SIPA1L2: variants seen among roughly 807,000 people sequenced by gnomAD.
SIPA1L2 encodes signal induced proliferation associated 1 like 2.
A neutral mutation model predicts 163.9 loss-of-function variants in SIPA1L2; 56 were observed. The observed-to-expected ratio is 0.34, with a 90% confidence interval of 0.28 to 0.43. The LOEUF is 0.43. Among genes scored for constraint, SIPA1L2 ranks in the 20% least tolerant of loss-of-function variants. The probability of loss-of-function intolerance (pLI) is 1.00; values close to 1 mark genes in which losing one functional copy is unlikely to be tolerated. For missense variants in SIPA1L2, 1,974 were observed against 2,193.5 expected, an observed-to-expected ratio of 0.90 and a Z score of 2.00; for synonymous variants, 877 against 865.7, an observed-to-expected ratio of 1.01 and a Z score of -0.23.
chr1:232,469,548 T>C (rs936479642), intron 8 of SIPA1L2, among the ~76,000 whole-genome samples: 5 of 152,192 alleles, frequency 3.3e-5, no homozygotes, highest in African/African-American at 1.2e-4. Flanking sequence ...ACGAAGCTGA[T>C]GAGGCACTTC....
chr1:232,539,689 C>A (rs932070782), intron 2 of SIPA1L2, among the ~76,000 whole-genome samples: 7 of 152,132 alleles, frequency 4.6e-5, no homozygotes, highest in Admixed American at 1.3e-4. Context: ...TCTCCCCATT[C>A]CCCCAGGCCC....
Position 232,514,397 on chromosome 1 carries a change from G to A in SIPA1L2, c.943C>T (p.Arg315Ter). 1 of 1,613,990 alleles carries A rather than the reference G, an allele frequency of 6.2e-7. No individual in the cohort carries two copies. Among genetic ancestry groups the A allele is most frequent in the Non-Finnish European group, 8.5e-7 (1 of 1,180,032 alleles). ...FKFTSELEES[R>*]LERGIRPWNC... ...CAAGGGCGAATGCCCCTCTCCAGTC[G>A]GCTCTCCTCCAGCTCAGACGTGAAC... The change falls in exon 3 of 23, where the codon CGA (arginine) becomes TGA (stop). Residue 315 changes from arginine (R) to a stop codon, truncating the protein, a stop_gained. Transcript: ENST00000674635. LOFTEE classifies it high-confidence loss of function.
chr1:232,520,932 T>C (rs551057628), intron 2 of SIPA1L2, among the ~76,000 whole-genome samples: 1 of 152,340 alleles, frequency 6.6e-6, no homozygotes, highest in East Asian at 1.9e-4. Context: ...TTAACTCACA[T>C]TCCTATTACA....
At chr1:232,559,689 C>A (rs1262159283) in intron 2 of SIPA1L2, among the ~76,000 whole-genome samples, 1 of 152,030 alleles carries the variant, frequency 6.6e-6, no homozygotes, top group Non-Finnish European at 1.5e-5. Flanking sequence ...TGGGTGTTGA[C>A]AATTGAGGAG....
intron 2 of SIPA1L2, among the ~76,000 whole-genome samples, chr1:232,547,246 C>G (rs909963524): frequency 2.0e-5 from 3 of 152,096 alleles, no homozygotes; most frequent in Admixed American, 1.3e-4. Flanking sequence ...CAAAACAAAT[C>G]CAGCATTTTT....
At chr1:232,431,990 G>T (rs531799801) in intron 16 of SIPA1L2, among the ~76,000 whole-genome samples, 2 of 152,214 alleles carry the variant, frequency 1.3e-5, no homozygotes, top group Non-Finnish European at 2.9e-5. Flanking sequence ...TCAGCAGCAT[G>T]TTACCATGAC....
chr1:232,436,901 A>C (rs1662598433), intron 15 of SIPA1L2, among the ~76,000 whole-genome samples: 1 of 152,230 alleles, frequency 6.6e-6, no homozygotes, highest in South Asian at 2.1e-4. Context: ...GCCACCATCA[A>C]CGAAGAATTA....
chr1:232,574,384 T>G (rs1019757443), intron 1 of SIPA1L2, among the ~76,000 whole-genome samples, 162 bp from the exon 2 acceptor site: 1 of 152,198 alleles, frequency 6.6e-6, no homozygotes, highest in Non-Finnish European at 1.5e-5. Context: ...CTCTCCCCAG[T>G]GTTCGATGGA....
intron 10 of SIPA1L2, among the ~76,000 whole-genome samples, chr1:232,459,052 A>C (rs1271644437): frequency 6.6e-6 from 1 of 152,246 alleles, no homozygotes; most frequent in Non-Finnish European, 1.5e-5. Context: ...AAGGCCACAG[A>C]AAGTGAGGCT....
At chr1:232,412,941 C>T (rs1661044368) in intron 19 of SIPA1L2, among the ~76,000 whole-genome samples, 1 of 152,154 alleles carries the variant, frequency 6.6e-6, no homozygotes, top group Non-Finnish European at 1.5e-5. Context: ...AAAGTCTTCT[C>T]CTTTGGCAAA....
At chr1:232,593,190 T>G (rs1661054610) in intron 1 of SIPA1L2, among the ~76,000 whole-genome samples, 2 of 152,154 alleles carry the variant, frequency 1.3e-5, no homozygotes, top group Non-Finnish European at 2.9e-5. Flanking sequence ...TAATATATAT[T>G]TTTCTAAAAG....
At chr1:232,493,718 T>C (rs1666043281) in intron 3 of SIPA1L2, 58 bp from the exon 4 acceptor site, 1 of 1,597,242 alleles carries the variant, frequency 6.3e-7, no homozygotes, top group Non-Finnish European at 8.6e-7. Flanking sequence ...AAGAGCAGGA[T>C]GGATATCTCT....
At chr1:232,553,735 C>A (rs924205962) in intron 2 of SIPA1L2, among the ~76,000 whole-genome samples, 1 of 152,138 alleles carries the variant, frequency 6.6e-6, no homozygotes, top group South Asian at 2.1e-4. Context: ...CCTCTTCTAC[C>A]ATAAAACTCA....
intron 2 of SIPA1L2, among the ~76,000 whole-genome samples, chr1:232,568,931 A>AT (rs1659563455): frequency 6.6e-6 from 1 of 152,146 alleles, no homozygotes; most frequent in African/African-American, 2.4e-5. Context: ...TATCGGAGCT[A>AT]TTTACGTATA....
At chr1:232,538,928 T>C (rs1657475867) in intron 2 of SIPA1L2, among the ~76,000 whole-genome samples, 1 of 152,232 alleles carries the variant, frequency 6.6e-6, no homozygotes, top group Admixed American at 6.5e-5. Context: ...CTATTTTTGT[T>C]ACCTATTCAG....
At chr1:232,571,560 CAT>C (rs1428521859) in intron 2 of SIPA1L2, among the ~76,000 whole-genome samples, 1 of 152,212 alleles carries the variant, frequency 6.6e-6, no homozygotes, top group Non-Finnish European at 1.5e-5. Flanking sequence ...CGTGCACACA[CAT>C]GATATGGCTT....
At chr1:232,584,411 G>A (rs1210722462) in intron 1 of SIPA1L2, among the ~76,000 whole-genome samples, 1 of 152,208 alleles carries the variant, frequency 6.6e-6, no homozygotes, top group East Asian at 1.9e-4. Context: ...TTTTAGTAGA[G>A]ACGGGCTTTC....
chr1:232,579,857 C>A (rs1660281756), intron 1 of SIPA1L2, among the ~76,000 whole-genome samples: 1 of 152,140 alleles, frequency 6.6e-6, no homozygotes, highest in African/African-American at 2.4e-5. Flanking sequence ...ATGGGTGAAG[C>A]TTTTTCTGAG....
rs1281287509 is a variant in SIPA1L2 at position 232,479,732 on chromosome 1, T to C, written c.1982-2A>G. Reference sequence around the variant, plus strand: ...GAGAGTGCGTGCCCGTGGAATCAGCTGAAAACAAAGATGAATTACAGAAGC... The same window carrying C: ...GAGAGTGCGTGCCCGTGGAATCAGCCGAAAACAAAGATGAATTACAGAAGC... On this transcript the variant is annotated splice_acceptor_variant, in intron 6 of 22. Transcript: ENST00000674635. LOFTEE classifies it high-confidence loss of function. The C allele has an allele frequency of 1.2e-6, 2 of 1,612,276 alleles. No homozygotes were observed. Among genetic ancestry groups the C allele is most frequent in the Admixed American group, 3.3e-5 (2 of 59,976 alleles).
Sources: allele counts gnomAD v4.1 joint callset (sites outside exome capture counted in the v4.1 genomes callset), GRCh38; gene constraint gnomAD v4.1.1; transcripts MANE v1.5; gene names NCBI Gene and HGNC (gene_info 2026-07-23, HGNC 2026-07-21).